NTM: variants seen among roughly 807,000 people sequenced by gnomAD.
NTM encodes the protein IgLON family member 2.
A neutral mutation model predicts 42.1 loss-of-function variants in NTM; 13 were observed. That is an observed-to-expected ratio of 0.31 (90% CI 0.20 to 0.49). NTM has a LOEUF of 0.49. Among genes scored for constraint, NTM ranks in the 20% least tolerant of loss-of-function variants. NTM has a pLI of 0.99. For synonymous variants in NTM, 187 were observed against 179.2 expected (o/e 1.04, Z -0.35); for missense variants, 373 against 452.8 (o/e 0.82, Z 1.60).
chr11:131,680,245 T>C lies in NTM; in HGVS notation c.83-231319T>C, dbSNP rs532045659. 8.6e-4 allele frequency among the ~76,000 whole-genome samples: 131 copies of C among 152,224 alleles called. 6 individuals carry two copies. The highest frequency in any genetic ancestry group is 1.9e-4 in the Non-Finnish European group (13 of 68,044). On this transcript the variant is annotated intron_variant, in intron 1 of 8. Transcript: ENST00000683400. ...ATTGACATTTTGGATTTTACCAAAA[T>C]GAATCGGAAAAGATACCAGATATGG...
At chr11:132,046,293 C>T (rs557343042) in intron 2 of NTM, among the ~76,000 whole-genome samples, 7 of 151,720 alleles carry the variant, frequency 4.6e-5, no homozygotes, top group African/African-American at 1.7e-4. Context: ...CAAGACAAAC[C>T]ATATTGTATT....
intron 2 of NTM, among the ~76,000 whole-genome samples, chr11:131,966,178 G>A (rs956833880): frequency 1.3e-5 from 2 of 152,060 alleles, no homozygotes; most frequent in Non-Finnish European, 2.9e-5. Context: ...GAAAATAGTG[G>A]GAGATGAGTT....
chr11:131,559,095 C>T (rs370396526), intron 1 of NTM, among the ~76,000 whole-genome samples: 33 of 152,106 alleles, frequency 2.2e-4, no homozygotes, highest in Admixed American at 3.3e-4. Context: ...ATGGAAGACC[C>T]GCAAGGAGGT....
intron 2 of NTM, among the ~76,000 whole-genome samples, chr11:131,952,987 A>G (rs1042337095): frequency 2.0e-5 from 3 of 152,194 alleles, no homozygotes; most frequent in Admixed American, 1.3e-4. Flanking sequence ...TCTCTGATAT[A>G]AGAAATACAC....
At chr11:131,580,229 G>A (rs1565661534) in intron 1 of NTM, among the ~76,000 whole-genome samples, 1 of 152,140 alleles carries the variant, frequency 6.6e-6, no homozygotes, top group Non-Finnish European at 1.5e-5. Context: ...TCATTTCTCT[G>A]CCCACTGTCA....
intron 1 of NTM, among the ~76,000 whole-genome samples, chr11:131,457,031 A>G (rs1247456681): frequency 6.6e-6 from 1 of 152,182 alleles, no homozygotes; most frequent in Admixed American, 6.5e-5. Flanking sequence ...AGGGAAATGG[A>G]CTTGTAACAT....
chr11:131,596,127 T>A (rs979342701), intron 1 of NTM, among the ~76,000 whole-genome samples: 7 of 152,220 alleles, frequency 4.6e-5, no homozygotes, highest in African/African-American at 1.7e-4. Flanking sequence ...TCACGGTATT[T>A]AGCTGGAAGA....
intron 1 of NTM, among the ~76,000 whole-genome samples, chr11:131,768,689 A>G (rs183149943): frequency 9.2e-5 from 14 of 152,338 alleles, no homozygotes; most frequent in African/African-American, 3.4e-4. Flanking sequence ...TTTTAAGCCC[A>G]TGGTATCTTG....
intron 1 of NTM, among the ~76,000 whole-genome samples, chr11:131,660,005 G>A (rs978045192): frequency 3.3e-5 from 5 of 152,244 alleles, no homozygotes; most frequent in African/African-American, 1.2e-4. Context: ...GCTACATAGC[G>A]TGGTGGGTGA....
In NTM at chr11:132,330,969, T is replaced by G. The variant is rs80068017; in HGVS notation, c.967+784T>G. Among the ~76,000 whole-genome samples, 812 of 152,316 alleles carry G rather than the reference T, an allele frequency of 5.3e-3. 6 individuals carry two copies. Among genetic ancestry groups the G allele is most frequent in the African/African-American group, 0.019 (781 of 41,568 alleles). ...GCTGTGGTCCACGCCCACCTGGACC[T>G]AAGGTCTTCATCTCATCTCATGGAA... On this transcript the variant is annotated intron_variant, in intron 8 of 8. Transcript: ENST00000683400.
At chr11:132,108,587 T>C (rs2062726369) in intron 2 of NTM, among the ~76,000 whole-genome samples, 1 of 152,060 alleles carries the variant, frequency 6.6e-6, no homozygotes, top group Non-Finnish European at 1.5e-5. Context: ...GTGTACACTG[T>C]TCGGGTGATT....
chr11:131,721,789 G>C (rs1372646345), intron 1 of NTM, among the ~76,000 whole-genome samples: 1 of 151,960 alleles, frequency 6.6e-6, no homozygotes. Flanking sequence ...CTGAGGTCGG[G>C]AGTTTGAGAC....
At chr11:131,597,844 GA>G (rs2059948423) in intron 1 of NTM, among the ~76,000 whole-genome samples, 1 of 145,758 alleles carries the variant, frequency 6.9e-6, no homozygotes, top group African/African-American at 2.7e-5. Context: ...TTAGCTTTAG[GA>G]AAAGTTCACC....
rs1229692039 is a variant in NTM, at chr11:131,681,445, CTGTG to C, written c.83-230112_83-230109del. On this transcript the variant is annotated intron_variant, in intron 1 of 8. Coordinates refer to ENST00000683400, the MANE Select transcript of NTM (RefSeq NM_001352005.2). ...CGTGTGTGTTTCTGTGTCTGTATGTCTGTGTGTGTGAGCGTGTGTGTTTCTGTGT... is the reference window on the plus strand; with the variant it reads ...CGTGTGTGTTTCTGTGTCTGTATGTCTGTGTGAGCGTGTGTGTTTCTGTGT... Among the ~76,000 whole-genome samples the C allele has an allele frequency of 7.6e-4, 2 of 2,624 alleles. 1 individual carries two copies. Among genetic ancestry groups the C allele is most frequent in the Admixed American group, 0.013 (2 of 156 alleles). 1.7% of individuals were successfully genotyped at this position (2,624 alleles called of 152,430 possible). A position where few individuals can be genotyped will look rare whatever the true frequency, so the allele number is the denominator to read the frequency against.
At chr11:132,261,050 G>A (rs1231692246) in intron 4 of NTM, among the ~76,000 whole-genome samples, 2 of 152,182 alleles carry the variant, frequency 1.3e-5, no homozygotes, top group East Asian at 1.9e-4. Flanking sequence ...TTAGCTGCAC[G>A]GTCATGCACA....
At chr11:131,642,418 A>G (rs376759742) in intron 1 of NTM, among the ~76,000 whole-genome samples, 3 of 152,240 alleles carry the variant, frequency 2.0e-5, no homozygotes, top group African/African-American at 7.2e-5. Context: ...AGATGAAACA[A>G]TATAAAACTC....
intron 1 of NTM, among the ~76,000 whole-genome samples, chr11:131,392,967 T>C (rs1360809361): frequency 2.0e-5 from 3 of 152,318 alleles, no homozygotes; most frequent in East Asian, 3.9e-4. Context: ...AAGTGTATTG[T>C]GCCCACACAC....
rs549173112 is a variant in NTM at position 131,672,066 on chromosome 11, T to C, written c.83-239498T>C. ...CTCCACGTGCACATCCCTTTCTCTTTGTCTTTCTACACAAATTGCCTGTTT... is the reference window on the plus strand; with the variant it reads ...CTCCACGTGCACATCCCTTTCTCTTCGTCTTTCTACACAAATTGCCTGTTT... On this transcript the variant is annotated intron_variant, in intron 1 of 8. Transcript: ENST00000683400. Among the ~76,000 whole-genome samples, 84 of 152,342 alleles carry C rather than the reference T, an allele frequency of 5.5e-4. 1 individual carries two copies. Among genetic ancestry groups the C allele is most frequent in the African/African-American group, 2.0e-3 (82 of 41,598 alleles).
intron 2 of NTM, among the ~76,000 whole-genome samples, chr11:131,978,611 C>T (rs901420502): frequency 1.3e-5 from 2 of 151,992 alleles, no homozygotes; most frequent in African/African-American, 2.4e-5. Flanking sequence ...TGACTGTTCC[C>T]GAGGCTCCCG....
Sources: allele counts gnomAD v4.1 joint callset (sites outside exome capture counted in the v4.1 genomes callset), GRCh38; gene constraint gnomAD v4.1.1; transcripts MANE v1.5; gene names NCBI Gene and HGNC (gene_info 2026-07-23, HGNC 2026-07-21).